MEGF6: variants seen among roughly 807,000 people sequenced by gnomAD.
MEGF6 encodes multiple EGF like domains 6.
MEGF6 carries 184 observed loss-of-function variants against 207.1 expected under a neutral mutation model. That is an observed-to-expected ratio of 0.89 (90% CI 0.79 to 1.00). MEGF6 has a LOEUF of 1.00. Among genes scored for constraint, MEGF6 ranks in the 50% least tolerant of loss-of-function variants. MEGF6 has a pLI of 0.00. For missense variants in MEGF6, 2,282 were observed against 2,202.9 expected, an observed-to-expected ratio of 1.04 and a Z score of -0.72; for synonymous variants, 1,038 against 910.0, an observed-to-expected ratio of 1.14 and a Z score of -2.53.
chr1:3,540,122 G>C (rs965579357), intron 4 of MEGF6, among the ~76,000 whole-genome samples: 1 of 152,254 alleles, frequency 6.6e-6, no homozygotes, highest in African/African-American at 2.4e-5. Context: ...TAGGCAGTCA[G>C]AGAAAGCCTC....
chr1:3,519,176 GGCC>G (rs998606678), intron 5 of MEGF6, among the ~76,000 whole-genome samples: 2 of 152,146 alleles, frequency 1.3e-5, no homozygotes, highest in African/African-American at 4.8e-5. Flanking sequence ...CCCTGGCCAG[GGCC>G]AGATCATCCT....
chr1:3,511,536 G>A lies in MEGF6; in HGVS notation c.1114+14C>T, dbSNP rs751225934. On this transcript the variant is annotated intron_variant, in intron 9 of 36. Transcript: ENST00000356575. ...GGAGTGGGGTGCAGGCATCTGGGAGGAGCCAGTGCGCACCGATGCAGGTCC... is the reference window on the plus strand; with the variant it reads ...GGAGTGGGGTGCAGGCATCTGGGAGAAGCCAGTGCGCACCGATGCAGGTCC... 4 of 1,594,990 alleles carry A rather than the reference G, an allele frequency of 2.5e-6. No individual in the cohort carries two copies. The highest frequency in any genetic ancestry group is 3.4e-6 in the Non-Finnish European group (4 of 1,166,912).
At chr1:3,530,954 C>CCCGCCCTGCT (rs1553197378) in intron 4 of MEGF6, 1 of 1,294,532 alleles carries the variant, frequency 7.7e-7, no homozygotes, top group Non-Finnish European at 1.0e-6. Context: ...CGGGCACTGC[C>CCCGCCCTGCT]CCGCCCTGCT....
In MEGF6 at chr1:3,540,748, G is replaced by A. The variant is rs759466350; in HGVS notation, c.482-16502C>T. On this transcript the variant is annotated intron_variant, in intron 4 of 36. Transcript: ENST00000356575. ...GGGCAGAAAGGGAACCACTCCCTCC[G>A]ATCTTTTCTGGGGCAGTCATCCCAT... 8.5e-4 allele frequency among the ~76,000 whole-genome samples: 130 copies of A among 152,178 alleles called. 2 individuals are homozygous for A. Among genetic ancestry groups the A allele is most frequent in the Non-Finnish European group, 1.9e-4 (13 of 68,032 alleles).
rs989993504 is a variant in MEGF6, at chr1:3,488,468, T to C, written c.*2060A>G. ...CTGAATTCCTAGGCCATTTGGGAAC[T>C]GTGGTGACTGAATATCTCAGAGCAC... On this transcript the variant is annotated 3_prime_UTR_variant, in exon 37 of 37. Transcript: ENST00000356575. Among the ~76,000 whole-genome samples, 11 of 152,262 alleles carry C rather than the reference T, an allele frequency of 7.2e-5. No individual in the cohort carries two copies. The highest frequency in any genetic ancestry group is 2.7e-4 in the African/African-American group (11 of 41,472).
chr1:3,524,023 C>CG (rs1329228772), intron 5 of MEGF6, 101 bp downstream of exon 5: 20 of 1,385,276 alleles, frequency 1.4e-5, no homozygotes, highest in Non-Finnish European at 1.9e-5. Flanking sequence ...CTCTGCCTCT[C>CG]CATGTCCACA....
chr1:3,530,973 C>T (rs541761271), intron 4 of MEGF6: 83 of 1,362,394 alleles, frequency 6.1e-5, no homozygotes, highest in Non-Finnish European at 7.3e-5. Context: ...CTCCCTCCAG[C>T]CTAGCAGGCA....
Position 3,510,770 on chromosome 1 carries a change from G to C in MEGF6, c.1234+13C>G. On this transcript the variant is annotated intron_variant, in intron 10 of 36. Transcript: ENST00000356575. ...AGGCCACCCCAGCTGTGCAGTGGCAGGGCAGTGCTCACCCTCACAGCCGCA... is the reference window on the plus strand; with the variant it reads ...AGGCCACCCCAGCTGTGCAGTGGCACGGCAGTGCTCACCCTCACAGCCGCA... 1 of 1,594,640 alleles carries C rather than the reference G, an allele frequency of 6.3e-7. No homozygotes were observed.
At chr1:3,550,230 G>A (rs970102342) in intron 4 of MEGF6, among the ~76,000 whole-genome samples, 1 of 152,200 alleles carries the variant, frequency 6.6e-6, no homozygotes, top group Admixed American at 6.5e-5. Flanking sequence ...GTGTGCACAC[G>A]CTCACAGCAG....
Position 3,490,598 on chromosome 1 carries a change from A to G in MEGF6, c.4565-9T>C. The G allele has an allele frequency of 6.2e-7, 1 of 1,612,722 alleles. No homozygotes were observed. The highest frequency in any genetic ancestry group is 8.5e-7 in the Non-Finnish European group (1 of 1,179,692). On this transcript the variant is annotated splice_polypyrimidine_tract_variant and intron_variant, in intron 36 of 36. Coordinates refer to ENST00000356575, the MANE Select transcript of MEGF6 (RefSeq NM_001409.4). ...GGCGGGCAGTGTGCCCGCTGGGGAAAAGGAGAAAAGAGGGCCAGTCCAGGG... is the reference window on the plus strand; with the variant it reads ...GGCGGGCAGTGTGCCCGCTGGGGAAGAGGAGAAAAGAGGGCCAGTCCAGGG...
chr1:3,620,310 T>C, the MEGF6 span, among the ~76,000 whole-genome samples: 1 of 152,120 alleles, frequency 6.6e-6, no homozygotes. Context: ...GGGGGAGAAA[T>C]TCAAGCCATC....
At chr1:3,492,613 G>A (rs374790278) in intron 35 of MEGF6, 26 bp downstream of exon 35, 32 of 1,600,304 alleles carry the variant, frequency 2.0e-5, no homozygotes, top group Middle Eastern at 1.7e-4. Flanking sequence ...GTGCCTTCCC[G>A]CCCTTCCCCA....
At chr1:3,499,511 T>A in intron 23 of MEGF6, 77 bp downstream of exon 23, 1 of 1,524,508 alleles carries the variant, frequency 6.6e-7, no homozygotes, top group Non-Finnish European at 8.8e-7. Context: ...TCAGGACAGG[T>A]GGCAGGAGGG....
At position 3,499,827 on chromosome 1, in the gene MEGF6, C is replaced by T. The variant is rs748879104; in HGVS notation, c.2805G>A (p.Pro935=). 1.9e-5 allele frequency: 30 copies of T among 1,553,450 alleles called. No individual in the cohort carries two copies. In the South Asian group the frequency reaches 2.1e-4, roughly 11 times the overall value. The change falls in exon 22 of 37, where the codon CCG becomes CCA. Residue 935 remains proline, a synonymous_variant. Coordinates refer to ENST00000356575, the MANE Select transcript of MEGF6 (RefSeq NM_001409.4). Reference sequence around the variant, plus strand: ...CGCAGAAGGTGCCCCTCCAGCCGGCCGGGCAGGTGCAGGCCCCGCTGACGT... The same window carrying T: ...CGCAGAAGGTGCCCCTCCAGCCGGCTGGGCAGGTGCAGGCCCCGCTGACGT... The part of the protein sequence containing the change: ...CDHVSGACTC[P]AGWRGTFCEH...
At chr1:3,601,989 G>C (rs1048123371) in intron 2 of MEGF6, among the ~76,000 whole-genome samples, 1 of 152,212 alleles carries the variant, frequency 6.6e-6, no homozygotes, top group African/African-American at 2.4e-5. Context: ...CCGCTTTGCG[G>C]CAGGGCTGGC....
chr1:3,611,478 C>T lies in MEGF6; in HGVS notation c.-210G>A. On this transcript the variant is annotated 5_prime_UTR_variant, in exon 1 of 37. Coordinates refer to ENST00000356575, the MANE Select transcript of MEGF6 (RefSeq NM_001409.4). ...AGACCTGATCGCCGGGTCCACCCTGCAGGAACTCGCCCCGGCGCGTTGAGC... is the reference window on the plus strand; with the variant it reads ...AGACCTGATCGCCGGGTCCACCCTGTAGGAACTCGCCCCGGCGCGTTGAGC... 1 of 579,992 alleles carries T rather than the reference C, an allele frequency of 1.7e-6. No homozygotes were observed. Among genetic ancestry groups the T allele is most frequent in the Non-Finnish European group, 2.7e-6 (1 of 376,566 alleles). The allele number at this position is 579,992 out of a possible 1,614,324, so 35.9% of individuals were successfully genotyped here.
At chr1:3,585,876 A>AGTGT (rs1643886355) in intron 3 of MEGF6, among the ~76,000 whole-genome samples, 2 of 134,786 alleles carry the variant, frequency 1.5e-5, no homozygotes, top group African/African-American at 5.8e-5. Flanking sequence ...TGTGGGTGTG[A>AGTGT]GGACACATGT....
chr1:3,506,351 C>T, intron 14 of MEGF6, 115 bp from the exon 15 acceptor site: 1 of 1,325,984 alleles, frequency 7.5e-7, no homozygotes, highest in Non-Finnish European at 1.0e-6. Context: ...CTGGGAGCAG[C>T]CCCCGCCAGG....
upstream of MEGF6, among the ~76,000 whole-genome samples, chr1:3,613,423 G>T (rs1320813339): frequency 6.6e-6 from 1 of 152,216 alleles, no homozygotes; most frequent in Non-Finnish European, 1.5e-5. Context: ...CTTTACATCT[G>T]ATTCCTGCTC....
Sources: allele counts gnomAD v4.1 joint callset (sites outside exome capture counted in the v4.1 genomes callset), GRCh38; gene constraint gnomAD v4.1.1; transcripts MANE v1.5; gene names NCBI Gene and HGNC (gene_info 2026-07-23, HGNC 2026-07-21).